Variants in TMEM161B observed in about 807,000 individuals in gnomAD.
TMEM161B encodes the protein transmembrane protein 161B.
In TMEM161B, 34 loss-of-function variants were observed where a neutral mutation model predicts 61.8. The observed-to-expected ratio is 0.55, with a 90% CI of 0.42 to 0.73. TMEM161B has a LOEUF of 0.73. TMEM161B is among the 30% of genes least tolerant of loss of function. The pLI is 0.00. For missense variants in TMEM161B, 456 were observed against 558.5 expected, an observed-to-expected ratio of 0.82 and a Z score of 1.85; for synonymous variants, 167 against 192.8, an observed-to-expected ratio of 0.87 and a Z score of 1.11.
intron 1 of TMEM161B, among the ~76,000 whole-genome samples, chr5:88,253,895 T>C (rs1580710030): frequency 6.6e-6 from 1 of 151,982 alleles, no homozygotes; most frequent in East Asian, 1.9e-4. Flanking sequence ...TTCAGTAAAA[T>C]AAGACTTAGG....
intron 1 of TMEM161B, among the ~76,000 whole-genome samples, chr5:88,260,032 T>C (rs572047525): frequency 6.6e-6 from 1 of 152,258 alleles, no homozygotes; most frequent in South Asian, 2.1e-4. Flanking sequence ...TCTACATCTG[T>C]AAGATAAAGG....
chr5:88,199,939 T>A (rs923657084), intron 9 of TMEM161B: 1 of 152,080 alleles, frequency 6.6e-6, no homozygotes, highest in Admixed American at 6.6e-5. Flanking sequence ...CCTTGGCATC[T>A]AGTCTTATAT....
intron 8 of TMEM161B, among the ~76,000 whole-genome samples, chr5:88,203,334 T>C (rs1317398084): frequency 1.3e-5 from 2 of 152,174 alleles, no homozygotes; most frequent in Non-Finnish European, 2.9e-5. Flanking sequence ...CTCTTGGCAA[T>C]AAGTTAATGT....
exon 13 of TMEM161B, chr5:88,190,026 G>T (rs1748627064): frequency 2.9e-6 from 2 of 700,100 alleles, no homozygotes; most frequent in South Asian, 3.0e-5. Flanking sequence ...GATCCGTAAG[G>T]GCAGTCCAAA....
chr5:88,266,294 G>C (rs1056092628), intron 1 of TMEM161B, among the ~76,000 whole-genome samples: 3 of 152,164 alleles, frequency 2.0e-5, no homozygotes, highest in Non-Finnish European at 2.9e-5. Context: ...CAGTATTTAA[G>C]ACAGTAGTGA....
intron 5 of TMEM161B, among the ~76,000 whole-genome samples, chr5:88,219,291 A>G (rs1041840500): frequency 6.6e-6 from 1 of 152,212 alleles, no homozygotes; most frequent in African/African-American, 2.4e-5. Context: ...GCCCAAAGAT[A>G]CGTGCTTAAT....
At chr5:88,187,461 T>C (rs940118629), downstream of TMEM161B, among the ~76,000 whole-genome samples, 15 of 152,226 alleles carry the variant, frequency 9.9e-5, no homozygotes, top group Non-Finnish European at 2.1e-4. Flanking sequence ...TACATTCATG[T>C]GAAACATATC....
At chr5:88,247,775 C>T (rs1418433920) in intron 1 of TMEM161B, among the ~76,000 whole-genome samples, 3 of 152,142 alleles carry the variant, frequency 2.0e-5, no homozygotes, top group East Asian at 3.9e-4. Context: ...CTCAACTACC[C>T]GGTTACTGAT....
At chr5:88,235,805 G>C (rs1393219450) in intron 2 of TMEM161B, among the ~76,000 whole-genome samples, 1 of 152,140 alleles carries the variant, frequency 6.6e-6, no homozygotes, top group Non-Finnish European at 1.5e-5. Context: ...GGAGGCTTAA[G>C]CAAAAACAAA....
intron 5 of TMEM161B, among the ~76,000 whole-genome samples, chr5:88,210,866 TA>T (rs1421597820): frequency 6.6e-6 from 1 of 152,162 alleles, no homozygotes; most frequent in East Asian, 1.9e-4. Context: ...GGCCATCTCT[TA>T]AAAATGAAAG....
chr5:88,216,804 C>T (rs1747940986), intron 5 of TMEM161B, among the ~76,000 whole-genome samples: 1 of 151,972 alleles, frequency 6.6e-6, no homozygotes, highest in Non-Finnish European at 1.5e-5. Flanking sequence ...GACTAAGGCA[C>T]ATAAAAAAGT....
At chr5:88,241,358 C>T (rs192043504) in intron 1 of TMEM161B, among the ~76,000 whole-genome samples, 3 of 151,834 alleles carry the variant, frequency 2.0e-5, no homozygotes, top group Admixed American at 2.0e-4. Flanking sequence ...CTGTTAAATT[C>T]TGGCAATTAG....
chr5:88,188,816 T>G (rs941793708), downstream of TMEM161B, among the ~76,000 whole-genome samples: 1 of 152,056 alleles, frequency 6.6e-6, no homozygotes, highest in African/African-American at 2.4e-5. Context: ...AGAGCACATG[T>G]GGTTAGAGTT....
At chr5:88,216,626 A>G (rs1458199380) in intron 5 of TMEM161B, among the ~76,000 whole-genome samples, 1 of 152,198 alleles carries the variant, frequency 6.6e-6, no homozygotes, top group Non-Finnish European at 1.5e-5. Context: ...ACTATACCTA[A>G]ATCAATCCAA....
At chr5:88,200,858 C>G (rs1252410791) in intron 9 of TMEM161B, 1 of 151,954 alleles carries the variant, frequency 6.6e-6, no homozygotes, top group African/African-American at 2.4e-5. Context: ...TTTATCAGAA[C>G]ACATGATGGA....
chr5:88,206,636 A>C, intron 6 of TMEM161B, 137 bp from the exon 7 acceptor site: 1 of 842,994 alleles, frequency 1.2e-6, no homozygotes, highest in Non-Finnish European at 1.8e-6. Context: ...TTCATGTGTT[A>C]ATTAGTATGC....
chr5:88,245,357 T>C (rs1561406180), intron 1 of TMEM161B, among the ~76,000 whole-genome samples: 1 of 151,882 alleles, frequency 6.6e-6, no homozygotes, highest in Non-Finnish European at 1.5e-5. Flanking sequence ...ATGAATGCCA[T>C]TACAAAGAAC....
At chr5:88,205,137 CA>C (rs1451399734) in intron 8 of TMEM161B, among the ~76,000 whole-genome samples, 1 of 150,598 alleles carries the variant, frequency 6.6e-6, no homozygotes, top group African/African-American at 2.4e-5. Flanking sequence ...TCTACATCAA[CA>C]AAAAAAAATC....
At chr5:88,235,420 T>C (rs907373210) in intron 2 of TMEM161B, among the ~76,000 whole-genome samples, 8 of 152,202 alleles carry the variant, frequency 5.3e-5, no homozygotes, top group Non-Finnish European at 1.2e-4. Context: ...AATTCTTGTG[T>C]TGAAATCTAA....
Sources: gnomAD v4.1 joint callset for allele counts (sites outside exome capture counted in the v4.1 genomes callset) on GRCh38, gnomAD v4.1.1 for gene constraint, MANE v1.5 for transcripts, NCBI Gene and HGNC (gene_info 2026-07-23, HGNC 2026-07-21) for gene names.